Variants in PROCA1 observed in about 807,000 individuals in gnomAD.
The protein encoded by PROCA1 is protein PROCA1.
PROCA1 carries 22 observed loss-of-function variants against 23.2 expected under a neutral mutation model. That is an observed-to-expected ratio of 0.95 (90% CI 0.68 to 1.35). The LOEUF is 1.35. Among genes scored for constraint, PROCA1 ranks in the 40% most tolerant of loss-of-function variants. The pLI, the probability that PROCA1 is intolerant of heterozygous loss-of-function variation, is 0.00. For synonymous variants in PROCA1, 182 were observed against 179.2 expected, an observed-to-expected ratio of 1.02 and a Z score of -0.12; for missense variants, 469 against 459.8, an observed-to-expected ratio of 1.02 and a Z score of -0.18.
rs754976909 is a variant in PROCA1 at position 28,703,698 on chromosome 17, T to G, written c.955A>C (p.Ser319Arg). 6.2e-7 allele frequency: 1 copy of G among 1,614,198 alleles called. No individual in the cohort carries two copies. The highest frequency in any genetic ancestry group is 8.5e-7 in the Non-Finnish European group (1 of 1,180,040). Residue 319 changes from serine (S) to arginine (R), a missense_variant, in exon 5 of 5, where the codon AGC becomes CGC. Transcript: ENST00000682792. Reference sequence around the variant, plus strand: ...GATGATGATTCCACAATATCCTCGCTGGACAGTTCTCCCTGCCCCCGGCCA... The same window carrying G: ...GATGATGATTCCACAATATCCTCGCGGGACAGTTCTCCCTGCCCCCGGCCA... The part of the protein sequence containing the change: ...YNGRGQGELS[S>R]EDIVESSSPR...
Position 28,703,524 on chromosome 17 carries a change from A to T in PROCA1, c.*34T>A. The T allele has an allele frequency of 6.3e-7, 1 of 1,584,050 alleles. No homozygotes were observed. Among genetic ancestry groups the T allele is most frequent in the Non-Finnish European group, 8.6e-7 (1 of 1,163,708 alleles). On this transcript the variant is annotated 3_prime_UTR_variant, in exon 5 of 5. Transcript: ENST00000682792. Reference sequence around the variant, plus strand: ...CAGCAGAGGGCCAGCCACAGGCTCGATGGCATTTATTCTGCACCCTGACCA... The same window carrying T: ...CAGCAGAGGGCCAGCCACAGGCTCGTTGGCATTTATTCTGCACCCTGACCA...
Position 28,704,030 on chromosome 17 carries a change from G to T in PROCA1, c.623C>A (p.Thr208Asn). ...GGTGATGGGCGCTGTGGAGTCAGGG[G>T]TACCAGTGGCCATGCTGGTGCCTAG... ...PDLGTSMATG[T>N]PDSTAPITIW... Residue 208 changes from threonine (T) to asparagine (N), a missense_variant, in exon 5 of 5, where the codon ACC (threonine) becomes AAC (asparagine). Thr to Asn is a moderately conservative substitution (Grantham distance 65). Coordinates refer to ENST00000682792, the MANE Select transcript of PROCA1 (RefSeq NM_001366301.1). 1 of 1,611,030 alleles carries T rather than the reference G, an allele frequency of 6.2e-7. No individual in the cohort carries two copies. The highest frequency in any genetic ancestry group is 8.5e-7 in the Non-Finnish European group (1 of 1,179,028).
At chr17:28,704,478 C>A in intron 3 of PROCA1, 43 bp from the exon 4 acceptor site, 1 of 1,589,904 alleles carries the variant, frequency 6.3e-7, no homozygotes, top group South Asian at 1.1e-5. Context: ...ATCACTCCCC[C>A]AGGGACCCAG....
At position 28,703,285 on chromosome 17, in the gene PROCA1, A is replaced by C; in HGVS notation, c.*273T>G. ...GATTTCACACAGACCAGTCTCTCGC[A>C]GCAGAGAGGGGAAGCCCTCCTTCCC... On this transcript the variant is annotated 3_prime_UTR_variant, in exon 5 of 5. Coordinates refer to ENST00000682792, the MANE Select transcript of PROCA1 (RefSeq NM_001366301.1). 2.1e-6 allele frequency: 1 copy of C among 478,420 alleles called. No homozygotes were observed. The highest frequency in any genetic ancestry group is 3.7e-6 in the Non-Finnish European group (1 of 268,840). 29.6% of individuals were successfully genotyped at this position (478,420 alleles called of 1,614,324 possible).
chr17:28,703,339 TAGCAGG>T lies in PROCA1; in HGVS notation c.*213_*218del. ...CCAGATACACTCTTCCACCTTGTCC[TAGCAGG>T]TAGGAAGAAATAGGGCTGTGCCCCT... On this transcript the variant is annotated 3_prime_UTR_variant, in exon 5 of 5. Transcript: ENST00000682792. 1.7e-6 allele frequency: 1 copy of T among 580,800 alleles called. No homozygotes were observed. Among genetic ancestry groups the T allele is most frequent in the East Asian group, 2.9e-5 (1 of 34,792 alleles). 36.0% of individuals were successfully genotyped at this position (580,800 alleles called of 1,614,324 possible).
At position 28,703,207 on chromosome 17, in the gene PROCA1, A is replaced by C. The variant is rs2032210203; in HGVS notation, c.*351T>G. On this transcript the variant is annotated 3_prime_UTR_variant, in exon 5 of 5. Coordinates refer to ENST00000682792, the MANE Select transcript of PROCA1 (RefSeq NM_001366301.1). ...CACAGTGGCACAGAGTGGGTTAAAA[A>C]GTTCCGTTTATTGGGGGTATCGCTG... 4.2e-6 allele frequency: 1 copy of C among 240,666 alleles called. No homozygotes were observed. The highest frequency in any genetic ancestry group is 2.3e-5 in the African/African-American group (1 of 44,178). The allele number at this position is 240,666 out of a possible 1,614,324, so 14.9% of individuals were successfully genotyped here. A position where few individuals can be genotyped will look rare whatever the true frequency, so the allele number is the denominator to read the frequency against.
In PROCA1 at chr17:28,711,699, C is replaced by A. The variant is rs773663064; in HGVS notation, c.-39G>T. 5 of 1,580,566 alleles carry A rather than the reference C, an allele frequency of 3.2e-6. No individual in the cohort carries two copies. Among genetic ancestry groups the A allele is most frequent in the Non-Finnish European group, 4.3e-6 (5 of 1,156,968 alleles). ...GGTCTTCGTCTCTACAGGACTCTTG[C>A]GTGAAGTCCAACCCTGAGCCTCAGC... On this transcript the variant is annotated 5_prime_UTR_variant, in exon 1 of 5. Coordinates refer to ENST00000682792, the MANE Select transcript of PROCA1 (RefSeq NM_001366301.1).
intron 1 of PROCA1, among the ~76,000 whole-genome samples, chr17:28,709,974 G>T (rs969974703): frequency 6.6e-6 from 1 of 152,130 alleles, no homozygotes. Context: ...TCCAGTGTGG[G>T]CAGCAGAGTG....
At position 28,703,780 on chromosome 17, in the gene PROCA1, C is replaced by A. The variant is rs1165964731; in HGVS notation, c.873G>T (p.Arg291Ser). The change falls in exon 5 of 5, where the codon AGG becomes AGT. Residue 291 changes from arginine (R) to serine (S), a missense_variant. Arg to Ser is a moderately radical substitution (Grantham distance 110). Transcript: ENST00000682792. The part of the protein sequence containing the change: ...SRSLSARQLA[R>S]MSESSPESRE... ...GGCTTTCTGGGCTGGACTCGGACAT[C>A]CTGGCCAGCTGTCTTGCGCTTAATG... 1 of 1,614,040 alleles carries A rather than the reference C, an allele frequency of 6.2e-7. No individual in the cohort carries two copies. The highest frequency in any genetic ancestry group is 8.5e-7 in the Non-Finnish European group (1 of 1,180,050).
At position 28,703,822 on chromosome 17, in the gene PROCA1, C is replaced by A; in HGVS notation, c.831G>T (p.Pro277=). 6.2e-7 allele frequency: 1 copy of A among 1,614,150 alleles called. No homozygotes were observed. The highest frequency in any genetic ancestry group is 8.5e-7 in the Non-Finnish European group (1 of 1,180,046). Residue 277 remains proline (P), a synonymous_variant, in exon 5 of 5, where the codon CCG becomes CCT. Coordinates refer to ENST00000682792, the MANE Select transcript of PROCA1 (RefSeq NM_001366301.1). ...KKSPVKLEPS[P]PDVSRSLSAR... is the part of the protein sequence containing the mutation. ...CGCTTAATGATCGGCTCACGTCTGG[C>A]GGGGAAGGCTCCAATTTAACCGGGC...
intron 1 of PROCA1, 23 bp from the exon 2 acceptor site, chr17:28,706,786 TGGTGGCAGC>T: frequency 7.7e-7 from 1 of 1,302,614 alleles, no homozygotes; most frequent in Non-Finnish European, 1.0e-6. Flanking sequence ...AGAGTGGCAG[TGGTGGCAGC>T]AGCCCCCTCC....
chr17:28,703,758 T>G lies in PROCA1; in HGVS notation c.895A>C (p.Ser299Arg). 6.2e-7 allele frequency: 1 copy of G among 1,614,132 alleles called. No individual in the cohort carries two copies. Among genetic ancestry groups the G allele is most frequent in the South Asian group, 1.1e-5 (1 of 91,088 alleles). The change falls in exon 5 of 5, where the codon AGC becomes CGC. Residue 299 changes from serine (S) to arginine (R), a missense_variant. Transcript: ENST00000682792. ...LARMSESSPE[S>R]REELESEDSY... ...TCCTCGCTCTCCAGCTCTTCCCGGC[T>G]TTCTGGGCTGGACTCGGACATCCTG...
At chr17:28,705,134 C>T (rs1014481487) in intron 2 of PROCA1, 5 of 326,516 alleles carry the variant, frequency 1.5e-5, no homozygotes, top group Admixed American at 9.2e-5. Flanking sequence ...CTCCTGCCTG[C>T]CCCTCAACCA....
At chr17:28,710,841 C>A in intron 1 of PROCA1, 1 of 1,304,196 alleles carries the variant, frequency 7.7e-7, no homozygotes, top group Non-Finnish European at 1.0e-6. Context: ...AGGCGTTAAT[C>A]GGCGCACAAA....
At position 28,703,668 on chromosome 17, in the gene PROCA1, T is replaced by C; in HGVS notation, c.985A>G (p.Arg329Gly). The change falls in exon 5 of 5, where the codon AGG becomes GGG. Residue 329 changes from arginine to glycine, a missense_variant. By Grantham distance (125) the Arg-to-Gly change is moderately radical. Transcript: ENST00000682792. ...SEDIVESSSP[R>G]KRENTVQAKK... ...GCCTGGACTGTGTTCTCTCTCTTCC[T>C]GGGCGATGATGATTCCACAATATCC... 6.2e-7 allele frequency: 1 copy of C among 1,614,230 alleles called. No individual in the cohort carries two copies. Among genetic ancestry groups the C allele is most frequent in the Non-Finnish European group, 8.5e-7 (1 of 1,180,046 alleles).
Position 28,711,727 on chromosome 17 carries a change from G to A in PROCA1, c.-67C>T. The A allele has an allele frequency of 7.0e-7, 1 of 1,436,398 alleles. No homozygotes were observed. The highest frequency in any genetic ancestry group is 9.5e-7 in the Non-Finnish European group (1 of 1,054,076). 89.0% of individuals were successfully genotyped at this position (1,436,398 alleles called of 1,614,324 possible). A position where few individuals can be genotyped will look rare whatever the true frequency, so the allele number is the denominator to read the frequency against. ...GAAGTCCAACCCTGAGCCTCAGCCC[G>A]GCCGAGCCCTCGGCCCAGCCGTGAA... On this transcript the variant is annotated 5_prime_UTR_variant, in exon 1 of 5. Coordinates refer to ENST00000682792, the MANE Select transcript of PROCA1 (RefSeq NM_001366301.1).
chr17:28,704,712 AATT>A lies in PROCA1; in HGVS notation c.304_306del (p.Asn102del). 6.2e-7 allele frequency: 1 copy of A among 1,614,044 alleles called. No individual in the cohort carries two copies. Among genetic ancestry groups the A allele is most frequent in the African/African-American group, 1.3e-5 (1 of 75,058 alleles). ...CCCAAGGGGGCGGGCCCTCACCTAGAATTACAGTTGCAGTGGTTGACAGAGTGT... is the reference window on the plus strand; with the variant it reads ...CCCAAGGGGGCGGGCCCTCACCTAGAACAGTTGCAGTGGTTGACAGAGTGT... On this transcript the variant is annotated inframe_deletion, in exon 3 of 5. Transcript: ENST00000682792.
Position 28,711,661 on chromosome 17 carries a change from C to A in PROCA1, c.-1G>T. 1 of 1,612,182 alleles carries A rather than the reference C, an allele frequency of 6.2e-7. No individual in the cohort carries two copies. Among genetic ancestry groups the A allele is most frequent in the Non-Finnish European group, 8.5e-7 (1 of 1,179,334 alleles). ...TTGTGAGCGTCGTCCTGACCCACAT[C>A]GCTCTCCGCCCAGGTCTTCGTCTCT... is the stretch of plus-strand genomic sequence containing the variant. On this transcript the variant is annotated 5_prime_UTR_variant, in exon 1 of 5. Transcript: ENST00000682792.
chr17:28,704,036 GT>G lies in PROCA1; in HGVS notation c.616del (p.Thr206LeufsTer27). 1.2e-6 allele frequency: 2 copies of G among 1,611,010 alleles called. No homozygotes were observed. The highest frequency in any genetic ancestry group is 8.5e-7 in the Non-Finnish European group (1 of 1,179,062). The stretch of plus-strand genomic sequence containing the variant: ...GGGCGCTGTGGAGTCAGGGGTACCA[GT>G]GGCCATGCTGGTGCCTAGGTCAGGG... Reference protein sequence around the residue: ...ASPDLGTSMATGTPDSTAPIT... With the variant: ...ASPDLGTSMAXGTPDSTAPIT... On this transcript the variant is annotated frameshift_variant, in exon 5 of 5. Coordinates refer to ENST00000682792, the MANE Select transcript of PROCA1 (RefSeq NM_001366301.1). LOFTEE classifies it high-confidence loss of function.
Sources: allele counts gnomAD v4.1 joint callset (sites outside exome capture counted in the v4.1 genomes callset), GRCh38; gene constraint gnomAD v4.1.1; transcripts MANE v1.5; gene names NCBI Gene and HGNC (gene_info 2026-07-23, HGNC 2026-07-21).